Variants in PLA2G4A observed in about 807,000 individuals in gnomAD.
PLA2G4A encodes cytosolic phospholipase A2.
PLA2G4A carries 40 observed loss-of-function variants against 81.9 expected under a neutral mutation model. That is an observed-to-expected ratio of 0.49 (90% CI 0.38 to 0.64). PLA2G4A has a LOEUF of 0.64. PLA2G4A is among the 30% of genes least tolerant of loss of function. The pLI, the probability that PLA2G4A is intolerant of heterozygous loss-of-function variation, is 0.00. For synonymous variants in PLA2G4A, 302 were observed against 296.9 expected, an observed-to-expected ratio of 1.02 and a Z score of -0.18; for missense variants, 715 against 905.1, an observed-to-expected ratio of 0.79 and a Z score of 2.69.
At chr1:186,923,958 C>G (rs553950797) in intron 7 of PLA2G4A, among the ~76,000 whole-genome samples, 1 of 152,192 alleles carries the variant, frequency 6.6e-6, no homozygotes, top group Non-Finnish European at 1.5e-5. Flanking sequence ...TCATTTCTTG[C>G]TATAAAATTG....
At chr1:186,879,145 T>C (rs1432536091) in intron 3 of PLA2G4A, among the ~76,000 whole-genome samples, 1 of 151,958 alleles carries the variant, frequency 6.6e-6, no homozygotes, top group East Asian at 1.9e-4. Context: ...GGATGCACTT[T>C]TTCATTCTCA....
Position 186,906,994 on chromosome 1 carries a change from T to C in PLA2G4A, c.408T>C (p.Leu136=). Residue 136 remains leucine, a synonymous_variant, in exon 6 of 18, where the codon CTT becomes CTC. Coordinates refer to ENST00000367466, the MANE Select transcript of PLA2G4A (RefSeq NM_024420.3). ...CTGAAATGGTTCTAGAAATGTCTCTTGAAGTTTGGTAAGTGCATTTATTTA... is the reference window on the plus strand; with the variant it reads ...CTGAAATGGTTCTAGAAATGTCTCTCGAAGTTTGGTAAGTGCATTTATTTA... ...QVTEMVLEMS[L]EVCSCPDLRF... The C allele has an allele frequency of 6.7e-7, 1 of 1,499,236 alleles. No homozygotes were observed. The highest frequency in any genetic ancestry group is 9.3e-7 in the Non-Finnish European group (1 of 1,076,452). 92.9% of individuals were successfully genotyped at this position (1,499,236 alleles called of 1,614,324 possible).
At chr1:186,925,326 T>G (rs1209952898) in intron 7 of PLA2G4A, among the ~76,000 whole-genome samples, 1 of 152,250 alleles carries the variant, frequency 6.6e-6, no homozygotes, top group Non-Finnish European at 1.5e-5. Context: ...TTGTCTTCCC[T>G]CTTCCCACTT....
At chr1:186,870,731 CT>C in intron 3 of PLA2G4A, 1 of 1,553,800 alleles carries the variant, frequency 6.4e-7, no homozygotes, top group Non-Finnish European at 8.7e-7. Context: ...CAAAGGGGGC[CT>C]TTGGTGACAT....
At chr1:186,878,961 G>A (rs2223309) in intron 3 of PLA2G4A, among the ~76,000 whole-genome samples, 19,106 of 151,730 alleles carry the variant, frequency 0.13, 1,831 homozygotes, top group East Asian at 0.46. Context: ...TACCTCTGCT[G>A]CTCTAAAAAT....
chr1:186,893,690 A>G (rs1654229589), intron 4 of PLA2G4A, among the ~76,000 whole-genome samples: 1 of 152,054 alleles, frequency 6.6e-6, no homozygotes, highest in Admixed American at 6.6e-5. Context: ...TCAGAGCACC[A>G]AGGCAGGCAG....
intron 17 of PLA2G4A, among the ~76,000 whole-genome samples, chr1:186,987,152 T>C (rs994996733): frequency 3.3e-5 from 5 of 152,254 alleles, no homozygotes; most frequent in Admixed American, 1.3e-4. Flanking sequence ...AATAATTGCA[T>C]GTTTGCACCA....
chr1:186,907,319 G>A (rs1244202925), intron 6 of PLA2G4A, among the ~76,000 whole-genome samples: 6 of 152,136 alleles, frequency 3.9e-5, no homozygotes, highest in Non-Finnish European at 7.3e-5. Flanking sequence ...AGAAATGAAT[G>A]CAGTTATTTA....
chr1:186,893,247 C>A, intron 4 of PLA2G4A, 88 bp downstream of exon 4: 1 of 1,126,568 alleles, frequency 8.9e-7, no homozygotes, highest in Non-Finnish European at 1.4e-6. Context: ...CTTTTTGTTC[C>A]TGTTAGCTAT....
chr1:186,914,838 C>A (rs921265715), intron 7 of PLA2G4A, among the ~76,000 whole-genome samples: 7 of 152,036 alleles, frequency 4.6e-5, no homozygotes, highest in Admixed American at 6.6e-5. Flanking sequence ...TCCCTTATAT[C>A]CTCCCCATTT....
intron 7 of PLA2G4A, among the ~76,000 whole-genome samples, chr1:186,918,155 A>AG (rs1351684326): frequency 6.6e-6 from 1 of 152,034 alleles, no homozygotes; most frequent in Non-Finnish European, 1.5e-5. Flanking sequence ...TGAGGGAGTA[A>AG]GGGGGCTGCT....
intron 1 of PLA2G4A, among the ~76,000 whole-genome samples, chr1:186,837,534 C>G (rs182051961): frequency 2.0e-4 from 30 of 151,430 alleles, no homozygotes; most frequent in Admixed American, 6.6e-4. Context: ...TCAAGACCAT[C>G]CTGGCTCACA....
intron 7 of PLA2G4A, among the ~76,000 whole-genome samples, chr1:186,911,821 A>C (rs1391566053): frequency 1.3e-5 from 2 of 152,100 alleles, no homozygotes; most frequent in Non-Finnish European, 2.9e-5. Context: ...CAGTCCCACG[A>C]TATGCTTTCT....
At chr1:186,874,291 C>A (rs937445977) in intron 3 of PLA2G4A, among the ~76,000 whole-genome samples, 1 of 152,066 alleles carries the variant, frequency 6.6e-6, no homozygotes, top group Non-Finnish European at 1.5e-5. Context: ...ACAGAACACA[C>A]AACTCTGGCC....
intron 2 of PLA2G4A, among the ~76,000 whole-genome samples, chr1:186,859,573 A>G (rs948136860): frequency 8.5e-5 from 13 of 152,158 alleles, no homozygotes; most frequent in Non-Finnish European, 4.4e-5. Flanking sequence ...TTGTCTTCAC[A>G]TTAGGGACAG....
intron 8 of PLA2G4A, among the ~76,000 whole-genome samples, chr1:186,936,960 A>G (rs1655968714): frequency 6.6e-6 from 1 of 151,752 alleles, no homozygotes; most frequent in African/African-American, 2.4e-5. Flanking sequence ...TAATTGGGAA[A>G]CATTATTGGT....
chr1:186,920,237 A>G (rs10911955), intron 7 of PLA2G4A, among the ~76,000 whole-genome samples: 85,783 of 151,958 alleles, frequency 0.56, 25,838 homozygotes, highest in African/African-American at 0.78. Context: ...TGTTTTGTAA[A>G]GGAGATGGTG....
intron 1 of PLA2G4A, among the ~76,000 whole-genome samples, chr1:186,831,260 AATG>A (rs1651579006): frequency 1.3e-5 from 2 of 152,218 alleles, no homozygotes. Flanking sequence ...GATAATATAA[AATG>A]ATTAATTATA....
intron 3 of PLA2G4A, among the ~76,000 whole-genome samples, chr1:186,881,840 G>A (rs534089438): frequency 2.6e-5 from 4 of 152,086 alleles, no homozygotes; most frequent in African/African-American, 4.8e-5. Flanking sequence ...CCACAGTATC[G>A]GTTAGGGTCA....
Sources: allele counts gnomAD v4.1 joint callset (sites outside exome capture counted in the v4.1 genomes callset), GRCh38; gene constraint gnomAD v4.1.1; transcripts MANE v1.5; gene names NCBI Gene and HGNC (gene_info 2026-07-23, HGNC 2026-07-21).